POLR3H: variants seen among roughly 807,000 people sequenced by gnomAD.
POLR3H encodes RNA polymerase III subunit H.
In POLR3H, 17 loss-of-function variants were observed where a neutral mutation model predicts 25.5. The ratio of observed to expected loss-of-function variants is 0.67; its 90% CI spans 0.46 to 1.00. POLR3H has a LOEUF of 1.00. POLR3H is among the 50% of genes least tolerant of loss of function. POLR3H has a pLI of 0.00. For synonymous variants in POLR3H, 129 were observed against 103.0 expected, an observed-to-expected ratio of 1.25 and a Z score of -1.53; for missense variants, 274 against 265.0, an observed-to-expected ratio of 1.03 and a Z score of -0.24.
chr22:41,540,090 G>A, intron 2 of POLR3H: 1 of 183,448 alleles, frequency 5.5e-6, no homozygotes, highest in Non-Finnish European at 1.2e-5. Context: ...TATTCAGCCA[G>A]GACACACAGC....
intron 2 of POLR3H, chr22:41,533,417 T>C (rs1450854637): frequency 1.1e-6 from 1 of 930,896 alleles, no homozygotes; most frequent in Non-Finnish European, 1.4e-6. Flanking sequence ...CCCTGCTGGT[T>C]ACCAACAGAG....
chr22:41,528,559 T>G lies in POLR3H; in HGVS notation c.*724A>C, dbSNP rs1252076322. The G allele has an allele frequency of 6.8e-6, 11 of 1,612,976 alleles. No individual in the cohort carries two copies. ...ACCACACCTTCAACGAGACGCAGAT[T>G]GAGTGGTTCCGCGCTGGCAGTGCCC... On this transcript the variant is annotated 3_prime_UTR_variant, in exon 6 of 6. Coordinates refer to ENST00000355209, the MANE Select transcript of POLR3H (RefSeq NM_001018050.4).
At chr22:41,537,834 G>A (rs1016028858) in intron 2 of POLR3H, among the ~76,000 whole-genome samples, 4 of 151,932 alleles carry the variant, frequency 2.6e-5, no homozygotes, top group Non-Finnish European at 5.9e-5. Context: ...TTGAGACGGG[G>A]TCTCTCTCTG....
chr22:41,535,603 GA>G (rs1286326461), intron 2 of POLR3H, among the ~76,000 whole-genome samples: 1 of 152,216 alleles, frequency 6.6e-6, no homozygotes, highest in East Asian at 1.9e-4. Context: ...GAGGCGGGCG[GA>G]TCACTTGAAG....
At chr22:41,537,130 G>A (rs1356580387) in intron 2 of POLR3H, among the ~76,000 whole-genome samples, 1 of 152,072 alleles carries the variant, frequency 6.6e-6, no homozygotes, top group Non-Finnish European at 1.5e-5. Context: ...AATGTCGAGG[G>A]ATAAACTTGG....
In POLR3H at chr22:41,529,192, C is replaced by T. The variant is rs2066669174; in HGVS notation, c.*91G>A. 8.6e-7 allele frequency: 1 copy of T among 1,161,056 alleles called. No homozygotes were observed. The highest frequency in any genetic ancestry group is 1.2e-6 in the Non-Finnish European group (1 of 807,656). The allele number at this position is 1,161,056 out of a possible 1,614,324, so 71.9% of individuals were successfully genotyped here. A position where few individuals can be genotyped will look rare whatever the true frequency, so the allele number is the denominator to read the frequency against. ...CTCACTGTCCAGCTCGAGACACTAT[C>T]TCCTTAGCATCGGCCTCAGCTGCTG... On this transcript the variant is annotated 3_prime_UTR_variant, in exon 6 of 6. Coordinates refer to ENST00000355209, the MANE Select transcript of POLR3H (RefSeq NM_001018050.4).
At chr22:41,533,780 G>T (rs963994262) in intron 2 of POLR3H, 10 of 1,116,024 alleles carry the variant, frequency 9.0e-6, no homozygotes, top group Admixed American at 4.7e-5. Context: ...GCGGCCAAGG[G>T]CCACTTACGC....
rs141742140 is a variant in POLR3H, at chr22:41,529,338, T to C, written c.562-2A>G. ...CAGGCCTGGCTCACTGATGGATCCC[T>C]GCCAGGGATAAAGAACACGCACATT... On this transcript the variant is annotated splice_acceptor_variant, in intron 5 of 5. Transcript: ENST00000355209. LOFTEE classifies it high-confidence loss of function. 1.2e-6 allele frequency: 2 copies of C among 1,613,688 alleles called. No individual in the cohort carries two copies. The highest frequency in any genetic ancestry group is 2.2e-5 in the East Asian group (1 of 44,888).
rs985383276 is a variant in POLR3H at position 41,526,606 on chromosome 22, C to T, written c.*2677G>A. The T allele has an allele frequency of 2.1e-4, 163 of 793,900 alleles. 1 individual carries two copies. Among genetic ancestry groups the T allele is most frequent in the Non-Finnish European group, 2.8e-4 (152 of 533,672 alleles). The allele number at this position is 793,900 out of a possible 1,614,324, so 49.2% of individuals were successfully genotyped here. A position where few individuals can be genotyped will look rare whatever the true frequency, so the allele number is the denominator to read the frequency against. On this transcript the variant is annotated 3_prime_UTR_variant, in exon 6 of 6. Coordinates refer to ENST00000355209, the MANE Select transcript of POLR3H (RefSeq NM_001018050.4). ...TGGAAGGGAGGAGAGGCCTGCAGCC[C>T]CTCCCTGTGGCTGAGAAGGCATGAG...
intron 2 of POLR3H, 46 bp from the exon 3 acceptor site, chr22:41,532,791 T>C (rs750426218): frequency 6.3e-7 from 1 of 1,594,422 alleles, no homozygotes; most frequent in Admixed American, 1.7e-5. Flanking sequence ...GGGGCCCCAG[T>C]GCGCTCCCAT....
At chr22:41,532,580 CT>C in intron 3 of POLR3H, 78 bp downstream of exon 3, 3 of 1,610,710 alleles carry the variant, frequency 1.9e-6, no homozygotes, top group Non-Finnish European at 1.7e-6. Context: ...GAGCCCTCCC[CT>C]GACCATGTGG....
At position 41,528,044 on chromosome 22, in the gene POLR3H, G is replaced by A; in HGVS notation, c.*1239C>T. On this transcript the variant is annotated 3_prime_UTR_variant, in exon 6 of 6. Transcript: ENST00000355209. ...CAAGGTTAGGGGCCCGGGTCCCCCT[G>A]AGGTGGTGGGGTGAGGGGCAGCCAC... The A allele has an allele frequency of 1.2e-6, 2 of 1,613,946 alleles. No individual in the cohort carries two copies. Among genetic ancestry groups the A allele is most frequent in the Non-Finnish European group, 1.7e-6 (2 of 1,179,984 alleles).
Position 41,526,241 on chromosome 22 carries a change from C to T in POLR3H, c.*3042G>A. 1 of 1,606,906 alleles carries T rather than the reference C, an allele frequency of 6.2e-7. No individual in the cohort carries two copies. The highest frequency in any genetic ancestry group is 8.5e-7 in the Non-Finnish European group (1 of 1,176,270). On this transcript the variant is annotated 3_prime_UTR_variant, in exon 6 of 6. Transcript: ENST00000355209. Reference sequence around the variant, plus strand: ...TCCAGGGCCATGCCCTGACCTCTGTCCTCTCTACTTACCACCCAAGGTCAA... The same window carrying T: ...TCCAGGGCCATGCCCTGACCTCTGTTCTCTCTACTTACCACCCAAGGTCAA...
Position 41,526,346 on chromosome 22 carries a change from A to AG in POLR3H, c.*2936_*2937insC, listed in dbSNP as rs1235466955. ...TGGGCACTTGGATAACATCTCCAACAACCTGCTCATTGGTGCCATCAACAT... is the reference window on the plus strand; with the variant it reads ...TGGGCACTTGGATAACATCTCCAACAGACCTGCTCATTGGTGCCATCAACAT... On this transcript the variant is annotated 3_prime_UTR_variant, in exon 6 of 6. Transcript: ENST00000355209. The AG allele has an allele frequency of 6.2e-7, 1 of 1,613,462 alleles. No individual in the cohort carries two copies. The highest frequency in any genetic ancestry group is 2.2e-5 in the East Asian group (1 of 44,886).
chr22:41,531,132 G>C (rs961332273), intron 4 of POLR3H, among the ~76,000 whole-genome samples: 11 of 152,194 alleles, frequency 7.2e-5, no homozygotes, highest in African/African-American at 2.7e-4. Flanking sequence ...ACGGCCAGAC[G>C]CACATGGATC....
chr22:41,535,074 TG>T lies in POLR3H; in HGVS notation c.209-2330del, dbSNP rs56003658. On this transcript the variant is annotated intron_variant, in intron 2 of 5. Transcript: ENST00000355209. ...CTCCATTCCTATAGTTCCTCCAAAC[TG>T]GAACTTGCATCTAGAATTTTTAACA... Among the ~76,000 whole-genome samples, 888 of 152,256 alleles carry T rather than the reference TG, an allele frequency of 5.8e-3. 5 individuals carry two copies. Among genetic ancestry groups the T allele is most frequent in the Non-Finnish European group, 0.01 (696 of 68,024 alleles).
chr22:41,528,271 A>C lies in POLR3H; in HGVS notation c.*1012T>G. ...GGACCTGGCACTCAGGGGACAGCCC[A>C]CCCACTGCAGGACCCTCTGGGCCCC... On this transcript the variant is annotated 3_prime_UTR_variant, in exon 6 of 6. Transcript: ENST00000355209. The C allele has an allele frequency of 1.2e-6, 1 of 850,186 alleles. No homozygotes were observed. Among genetic ancestry groups the C allele is most frequent in the South Asian group, 1.8e-5 (1 of 55,946 alleles). 52.7% of individuals were successfully genotyped at this position (850,186 alleles called of 1,614,324 possible).
chr22:41,529,184 G>C lies in POLR3H; in HGVS notation c.*99C>G. 1 of 1,096,568 alleles carries C rather than the reference G, an allele frequency of 9.1e-7. No individual in the cohort carries two copies. The highest frequency in any genetic ancestry group is 1.3e-6 in the Non-Finnish European group (1 of 754,874). 67.9% of individuals were successfully genotyped at this position (1,096,568 alleles called of 1,614,324 possible). A position where few individuals can be genotyped will look rare whatever the true frequency, so the allele number is the denominator to read the frequency against. On this transcript the variant is annotated 3_prime_UTR_variant, in exon 6 of 6. Coordinates refer to ENST00000355209, the MANE Select transcript of POLR3H (RefSeq NM_001018050.4). ...GGCCTTGCCTCACTGTCCAGCTCGA[G>C]ACACTATCTCCTTAGCATCGGCCTC...
intron 5 of POLR3H, 28 bp downstream of exon 5, chr22:41,530,656 TGGG>T: frequency 5.0e-6 from 8 of 1,588,032 alleles, no homozygotes; most frequent in Non-Finnish European, 6.9e-6. Flanking sequence ...TCCCGCCTCA[TGGG>T]GGCTTCAGCA....
Sources: gnomAD v4.1 joint callset for allele counts (sites outside exome capture counted in the v4.1 genomes callset) on GRCh38, gnomAD v4.1.1 for gene constraint, MANE v1.5 for transcripts, NCBI Gene and HGNC (gene_info 2026-07-23, HGNC 2026-07-21) for gene names.